SERPINB6: variants seen among roughly 807,000 people sequenced by gnomAD.
SERPINB6 encodes serpin family B member 6.
In SERPINB6, 16 loss-of-function variants were observed where a neutral mutation model predicts 26.1. The observed-to-expected ratio is 0.61, with a 90% CI of 0.42 to 0.93. SERPINB6 has a LOEUF of 0.93. SERPINB6 is among the 40% of genes least tolerant of loss of function. The probability of loss-of-function intolerance (pLI) is 0.00; values close to 1 mark genes in which losing one functional copy is unlikely to be tolerated. For synonymous variants in SERPINB6, 174 were observed against 176.6 expected, an observed-to-expected ratio of 0.99 and a Z score of 0.11; for missense variants, 420 against 478.0, an observed-to-expected ratio of 0.88 and a Z score of 1.13.
intron 3 of SERPINB6, chr6:2,955,203 C>CAA (rs66527971): frequency 0.28 from 61,908 of 223,900 alleles, 5,725 homozygotes; most frequent in Non-Finnish European, 0.31. Flanking sequence ...AAAAAAAAAA[C>CAA]AAAAAAAAAA....
chr6:2,966,852 G>T, intron 1 of SERPINB6: 1 of 678,378 alleles, frequency 1.5e-6, no homozygotes, highest in Non-Finnish European at 1.8e-6. Flanking sequence ...ACAGGGTCTC[G>T]CTCGGTGGCC....
chr6:2,966,277 T>C, intron 1 of SERPINB6: 1 of 809,856 alleles, frequency 1.2e-6, no homozygotes, highest in Non-Finnish European at 1.5e-6. Flanking sequence ...TCTGAACTTA[T>C]TAATGAGCTT....
In SERPINB6 at chr6:2,961,989, G is replaced by C. The variant is rs531511351; in HGVS notation, c.-10-2647C>G. 15 of 983,538 alleles carry C rather than the reference G, an allele frequency of 1.5e-5. No homozygotes were observed. The South Asian group carries it at 7.1e-4, about 46-fold the overall frequency. 60.9% of individuals were successfully genotyped at this position (983,538 alleles called of 1,614,324 possible). On this transcript the variant is annotated intron_variant, in intron 1 of 6. Coordinates refer to ENST00000380539, the MANE Select transcript of SERPINB6 (RefSeq NM_004568.6). ...GATCTTCCTGCCTCAGCCTCCCAAG[G>C]TGCTGAGATTACAGCCATGCACCAC...
At chr6:2,968,689 T>C in intron 1 of SERPINB6, 2 of 1,230,512 alleles carry the variant, frequency 1.6e-6, no homozygotes, top group Non-Finnish European at 2.0e-6. Flanking sequence ...CTCTCTTTTG[T>C]ACCTAGACTT....
chr6:2,951,380 C>T (rs1769773390), intron 5 of SERPINB6, among the ~76,000 whole-genome samples: 1 of 139,704 alleles, frequency 7.2e-6, no homozygotes, highest in East Asian at 2.2e-4. Flanking sequence ...GAGAGAAACT[C>T]TGTCTTGGAA....
In SERPINB6 at chr6:2,948,235, G is replaced by T; in HGVS notation, c.*63C>A. 6.3e-7 allele frequency: 1 copy of T among 1,597,650 alleles called. No individual in the cohort carries two copies. The highest frequency in any genetic ancestry group is 8.6e-7 in the Non-Finnish European group (1 of 1,166,884). ...CACGGATAAGGCCACTTGGGTTGCAGGCACACTGTGGAGTGTCAGGGGACA... is the reference window on the plus strand; with the variant it reads ...CACGGATAAGGCCACTTGGGTTGCATGCACACTGTGGAGTGTCAGGGGACA... On this transcript the variant is annotated 3_prime_UTR_variant, in exon 7 of 7. Coordinates refer to ENST00000380539, the MANE Select transcript of SERPINB6 (RefSeq NM_004568.6). The surrounding 1 kb of genome is among the most constrained non-coding windows in gnomAD (Gnocchi z 5.0).
At chr6:2,969,415 A>G (rs1315294517) in intron 1 of SERPINB6, 1 of 966,642 alleles carries the variant, frequency 1.0e-6, no homozygotes, top group Non-Finnish European at 1.2e-6. Context: ...TTGTTTCAAA[A>G]TTTAAAAACT....
chr6:2,961,259 T>G (rs1048806895), intron 1 of SERPINB6: 1 of 152,238 alleles, frequency 6.6e-6, no homozygotes, highest in Non-Finnish European at 1.5e-5. Context: ...CACAGAATAC[T>G]TGGGGCACTG....
chr6:2,970,615 G>T (rs1417632676), intron 1 of SERPINB6: 1 of 1,218,154 alleles, frequency 8.2e-7, no homozygotes, highest in Non-Finnish European at 1.0e-6. Context: ...AAGCAAAAGT[G>T]CCCAAAAAAT....
chr6:2,953,094 C>T lies in SERPINB6; in HGVS notation c.523G>A (p.Glu175Lys), dbSNP rs772038204. The T allele has an allele frequency of 3.1e-6, 5 of 1,614,146 alleles. No homozygotes were observed. The Admixed American group carries it at 6.7e-5, about 22-fold the overall frequency. Residue 175 changes from glutamate to lysine, a missense_variant, in exon 5 of 7, where the codon GAA becomes AAA. Physicochemically the swap from Glu to Lys is moderately conservative, Grantham distance 56 (BLOSUM62 1). Transcript: ENST00000380539. ...TCGGTGTTCTCCTTGTCAAACTGTT[C>T]ATCCCAGTTTCCTCTGAAATAGACA... ...NAVYFRGNWD[E>K]QFDKENTEER...
At chr6:2,955,998 C>T in intron 2 of SERPINB6, 1 of 290,454 alleles carries the variant, frequency 3.4e-6, no homozygotes, top group East Asian at 8.1e-5. Flanking sequence ...ATCGCTTGAA[C>T]CCGGGAGGCG....
chr6:2,951,229 TGCAAAAATTA>T (rs1769753341), intron 5 of SERPINB6, among the ~76,000 whole-genome samples: 1 of 151,640 alleles, frequency 6.6e-6, no homozygotes, highest in African/African-American at 2.4e-5. Context: ...CTACTAAAAA[TGCAAAAATTA>T]GCCGGGCATA....
intron 1 of SERPINB6, chr6:2,960,244 C>G (rs1221382773): frequency 6.6e-6 from 1 of 152,382 alleles, no homozygotes; most frequent in African/African-American, 2.4e-5. Context: ...GTCCACCAAG[C>G]CCTTAGAGAG....
chr6:2,970,652 G>A (rs1306485914), intron 1 of SERPINB6: 4 of 1,206,530 alleles, frequency 3.3e-6, no homozygotes, highest in Non-Finnish European at 4.1e-6. Flanking sequence ...TCGCATCTGA[G>A]TATTCCTGAC....
At position 2,967,375 on chromosome 6, in the gene SERPINB6, AG is replaced by A. The variant is rs953735818; in HGVS notation, c.-11+4157del. On this transcript the variant is annotated intron_variant, in intron 1 of 6. Coordinates refer to ENST00000380539, the MANE Select transcript of SERPINB6 (RefSeq NM_004568.6). The surrounding 1 kb of genome is among the most constrained non-coding windows in gnomAD (Gnocchi z 4.3). ...ATCTAGGCAATACCATTCTGGACAT[AG>A]GAACAGGCAAAGATTTCATGACAAA... The A allele has an allele frequency of 1.8e-5, 4 of 221,586 alleles. No individual in the cohort carries two copies. Among genetic ancestry groups the A allele is most frequent in the African/African-American group, 9.4e-5 (4 of 42,672 alleles). The allele number at this position is 221,586 out of a possible 1,614,324, so 13.7% of individuals were successfully genotyped here.
chr6:2,961,828 C>T, intron 1 of SERPINB6: 1 of 984,894 alleles, frequency 1.0e-6, no homozygotes, highest in Non-Finnish European at 1.2e-6. Context: ...CATGCTCCCC[C>T]AACCCCATCC....
In SERPINB6 at chr6:2,948,297, C is replaced by T; in HGVS notation, c.*1G>A. 6.2e-7 allele frequency: 1 copy of T among 1,613,422 alleles called. No homozygotes were observed. Among genetic ancestry groups the T allele is most frequent in the South Asian group, 1.1e-5 (1 of 91,046 alleles). ...GGCTGCACACCAAGACTGCCCTGTCCTCACGGAGAGGAAAAGCGGCCGCAG... is the reference window on the plus strand; with the variant it reads ...GGCTGCACACCAAGACTGCCCTGTCTTCACGGAGAGGAAAAGCGGCCGCAG... On this transcript the variant is annotated 3_prime_UTR_variant, in exon 7 of 7. Coordinates refer to ENST00000380539, the MANE Select transcript of SERPINB6 (RefSeq NM_004568.6). The surrounding 1 kb of genome is among the most constrained non-coding windows in gnomAD (Gnocchi z 5.0).
intron 3 of SERPINB6, chr6:2,955,134 A>G: frequency 7.2e-6 from 2 of 277,552 alleles, no homozygotes; most frequent in Non-Finnish European, 6.9e-6. Context: ...AGGTTGCAGT[A>G]AGCCGAGATC....
At chr6:2,969,121 T>C (rs1771898199) in intron 1 of SERPINB6, 1 of 1,029,918 alleles carries the variant, frequency 9.7e-7, no homozygotes, top group East Asian at 7.9e-5. Context: ...AAAGAAAAAA[T>C]AAATCCACAT....
Sources: allele counts gnomAD v4.1 joint callset (sites outside exome capture counted in the v4.1 genomes callset), GRCh38; gene constraint gnomAD v4.1.1; non-coding constraint Gnocchi (gnomAD v3.1); transcripts MANE v1.5; gene names NCBI Gene and HGNC (gene_info 2026-07-23, HGNC 2026-07-21).